PPARGC1A: variants seen among roughly 807,000 people sequenced by gnomAD.
PPARGC1A encodes PPARG coactivator 1 alpha.
In PPARGC1A, 25 loss-of-function variants were observed where a neutral mutation model predicts 88.7. The observed-to-expected ratio is 0.28, with a 90% CI of 0.21 to 0.39. PPARGC1A has a LOEUF of 0.39. Among genes scored for constraint, PPARGC1A ranks in the 10% least tolerant of loss-of-function variants. The pLI, the probability that PPARGC1A is intolerant of heterozygous loss-of-function variation, is 1.00. For missense variants in PPARGC1A, 880 were observed against 968.7 expected, an observed-to-expected ratio of 0.91 and a Z score of 1.22; for synonymous variants, 363 against 355.6, an observed-to-expected ratio of 1.02 and a Z score of -0.24.
At chr4:24,459,304 C>T in the PPARGC1A span, among the ~76,000 whole-genome samples, 1 of 152,104 alleles carries the variant, frequency 6.6e-6, no homozygotes, top group African/African-American at 2.4e-5. Flanking sequence ...TTCTGTTTTG[C>T]TAATAATCAC....
chr4:23,873,213 AAAATAAAAAAT>A lies in PPARGC1A; in HGVS notation c.234+11528_234+11538del, dbSNP rs1394297145. Among the ~76,000 whole-genome samples, 557 of 146,914 alleles carry A rather than the reference AAAATAAAAAAT, an allele frequency of 3.8e-3. 61 individuals are homozygous for A. The highest frequency in any genetic ancestry group is 6.2e-3 in the Non-Finnish European group (409 of 66,152). On this transcript the variant is annotated intron_variant, in intron 2 of 12. Transcript: ENST00000264867. The stretch of plus-strand genomic sequence containing the variant: ...ACTCCGTCTCAAAAATAAAAAATAA[AAAATAAAAAAT>A]AAAGAAAAAAATGTGACCAGCCATA...
the PPARGC1A span, among the ~76,000 whole-genome samples, chr4:24,416,459 A>G: frequency 6.6e-6 from 1 of 152,294 alleles, no homozygotes; most frequent in Non-Finnish European, 1.5e-5. Context: ...GAGTGCCAGA[A>G]TTAGGGCATA....
intron 1 of PPARGC1A, among the ~76,000 whole-genome samples, chr4:23,886,193 A>T (rs1164273183): frequency 6.6e-6 from 1 of 152,206 alleles, no homozygotes; most frequent in East Asian, 1.9e-4. Flanking sequence ...TTCCAAGGTC[A>T]GGAGAGATGC....
the PPARGC1A span, among the ~76,000 whole-genome samples, chr4:24,393,640 G>A: frequency 6.6e-6 from 1 of 152,200 alleles, no homozygotes; most frequent in Admixed American, 6.5e-5. Flanking sequence ...AACAGCATGG[G>A]CAAACACACA....
chr4:24,082,817 A>C, the PPARGC1A span, among the ~76,000 whole-genome samples: 1 of 152,168 alleles, frequency 6.6e-6, no homozygotes, highest in Non-Finnish European at 1.5e-5. Flanking sequence ...CTCAAGGTTC[A>C]CTGGGCCCCC....
At chr4:24,325,990 T>C in the PPARGC1A span, among the ~76,000 whole-genome samples, 1 of 152,130 alleles carries the variant, frequency 6.6e-6, no homozygotes, top group Admixed American at 6.5e-5. Context: ...TTAACCAAAT[T>C]ATCTGCTTAC....
chr4:24,056,840 G>A, the PPARGC1A span, among the ~76,000 whole-genome samples: 1 of 152,300 alleles, frequency 6.6e-6, no homozygotes, highest in Middle Eastern at 3.4e-3. Flanking sequence ...GGCCCCTTGT[G>A]CACTATTGGT....
the PPARGC1A span, among the ~76,000 whole-genome samples, chr4:24,252,993 G>A: frequency 2.0e-5 from 3 of 152,074 alleles, no homozygotes; most frequent in Non-Finnish European, 4.4e-5. Flanking sequence ...CTTGGAAAAC[G>A]ATGATCTCAT....
At chr4:24,260,823 GC>G in the PPARGC1A span, among the ~76,000 whole-genome samples, 1 of 151,608 alleles carries the variant, frequency 6.6e-6, no homozygotes, top group Non-Finnish European at 1.5e-5. Context: ...TTTTTAAATT[GC>G]CTACCTGACA....
chr4:23,880,048 C>A (rs548034046), intron 2 of PPARGC1A: 2 of 150,436 alleles, frequency 1.3e-5, no homozygotes, highest in South Asian at 2.1e-4. Flanking sequence ...CACATACATA[C>A]ACACACATAT....
chr4:24,333,889 G>C, the PPARGC1A span, among the ~76,000 whole-genome samples: 1 of 119,892 alleles, frequency 8.3e-6, no homozygotes, highest in Non-Finnish European at 1.6e-5. Flanking sequence ...AGCTGAGTTA[G>C]TGCCACTGCA....
At chr4:24,435,541 T>C in the PPARGC1A span, among the ~76,000 whole-genome samples, 1 of 152,126 alleles carries the variant, frequency 6.6e-6, no homozygotes, top group African/African-American at 2.4e-5. Flanking sequence ...CTTAACATGT[T>C]TGTGACTCAG....
intron 2 of PPARGC1A, among the ~76,000 whole-genome samples, chr4:23,836,825 G>C (rs1190808460): frequency 3.3e-5 from 5 of 152,154 alleles, no homozygotes; most frequent in Non-Finnish European, 7.3e-5. Context: ...TGGTGTGGCA[G>C]ACAGTGCATT....
chr4:24,134,174 T>C, the PPARGC1A span, among the ~76,000 whole-genome samples: 11 of 152,210 alleles, frequency 7.2e-5, no homozygotes. Flanking sequence ...ACCATTTTGC[T>C]TTTCATTAAA....
At chr4:23,980,449 G>T in the PPARGC1A span, among the ~76,000 whole-genome samples, 1 of 152,024 alleles carries the variant, frequency 6.6e-6, no homozygotes, top group South Asian at 2.1e-4. Context: ...ACTATTCTGA[G>T]GATATACATG....
In PPARGC1A at chr4:23,814,478, C is replaced by G; in HGVS notation, c.1005G>C (p.Glu335Asp). 1.2e-6 allele frequency: 2 copies of G among 1,613,692 alleles called. No individual in the cohort carries two copies. The highest frequency in any genetic ancestry group is 2.2e-5 in the South Asian group (2 of 91,036). Residue 335 changes from glutamate to aspartate, a missense_variant, in exon 8 of 13, where the codon GAG (glutamate) becomes GAC (aspartate). Glu to Asp is a conservative substitution (Grantham distance 45). Coordinates refer to ENST00000264867, the MANE Select transcript of PPARGC1A (RefSeq NM_013261.5). ...PPPSKKPRYS[E>D]SSGTQGNNST... ...AGTTATTGCCTTGTGTACCAGAAGACTCACTGTACCTGGGCTTCTTTGATG... is the reference window on the plus strand; with the variant it reads ...AGTTATTGCCTTGTGTACCAGAAGAGTCACTGTACCTGGGCTTCTTTGATG...
At chr4:24,124,045 T>C in the PPARGC1A span, among the ~76,000 whole-genome samples, 17 of 152,174 alleles carry the variant, frequency 1.1e-4, no homozygotes, top group South Asian at 2.3e-3. Flanking sequence ...ATTGGAGGGT[T>C]ATAATAACCA....
chr4:24,442,608 G>A, the PPARGC1A span, among the ~76,000 whole-genome samples: 149 of 152,212 alleles, frequency 9.8e-4, no homozygotes, highest in African/African-American at 3.4e-3. Context: ...GTGATAATTC[G>A]GCCTTCCTGA....
At chr4:24,349,783 G>T in the PPARGC1A span, among the ~76,000 whole-genome samples, 1 of 152,152 alleles carries the variant, frequency 6.6e-6, no homozygotes. Context: ...AAGTCTGCAC[G>T]CCCAATTCAC....
Sources: gnomAD v4.1 joint callset for allele counts (sites outside exome capture counted in the v4.1 genomes callset) on GRCh38, gnomAD v4.1.1 for gene constraint, MANE v1.5 for transcripts, NCBI Gene and HGNC (gene_info 2026-07-23, HGNC 2026-07-21) for gene names.